The following PXDNL variants were observed in gnomAD, a reference collection of about 807,000 sequenced individuals.
PXDNL encodes the protein probable oxidoreductase PXDNL.
PXDNL carries 145 observed loss-of-function variants against 150.8 expected under a neutral mutation model. The ratio of observed to expected loss-of-function variants is 0.96; its 90% CI spans 0.84 to 1.10. The LOEUF (loss-of-function observed/expected upper bound fraction) is 1.10, where lower values mean the gene tolerates loss of function less well. Ranked by LOEUF, PXDNL falls within the 50% of genes least tolerant of loss-of-function variation. PXDNL has a pLI of 0.00. For missense variants in PXDNL, 2,087 were observed against 1,873.9 expected, an observed-to-expected ratio of 1.11 and a Z score of -2.10; for synonymous variants, 757 against 725.7, an observed-to-expected ratio of 1.04 and a Z score of -0.69.
At chr8:51,378,728 C>T (rs190295520) in intron 17 of PXDNL, among the ~76,000 whole-genome samples, 107 of 149,204 alleles carry the variant, frequency 7.2e-4, no homozygotes, top group Admixed American at 2.6e-3. Flanking sequence ...TGGGACAGGA[C>T]GGGAGGAACG....
intron 14 of PXDNL, among the ~76,000 whole-genome samples, chr8:51,415,517 A>G (rs1274792573): frequency 6.6e-6 from 1 of 152,152 alleles, no homozygotes; most frequent in African/African-American, 2.4e-5. Context: ...AAGAACAGCA[A>G]GAGGGAAACT....
intron 3 of PXDNL, among the ~76,000 whole-genome samples, chr8:51,565,286 A>AT (rs1318388327): frequency 8.5e-6 from 1 of 117,468 alleles, no homozygotes; most frequent in African/African-American, 4.1e-5. Context: ...CTTTTCCTAA[A>AT]TAAATAAATA....
At chr8:51,657,060 T>C (rs996216797) in intron 1 of PXDNL, among the ~76,000 whole-genome samples, 1 of 152,208 alleles carries the variant, frequency 6.6e-6, no homozygotes, top group African/African-American at 2.4e-5. Flanking sequence ...TTAATACAAC[T>C]GAACTACCAA....
chr8:51,474,870 A>G (rs1810435610), intron 7 of PXDNL, 102 bp downstream of exon 7: 8 of 986,302 alleles, frequency 8.1e-6, no homozygotes, highest in Admixed American at 3.1e-5. Context: ...ACACTTTCTG[A>G]TAACACGTTC....
chr8:51,403,088 CAAAAAAAAAAAA>C (rs201970177), intron 17 of PXDNL, among the ~76,000 whole-genome samples: 1 of 52,880 alleles, frequency 1.9e-5, no homozygotes, highest in African/African-American at 7.5e-5. Context: ...ACTCCCTCTC[CAAAAAAAAAAAA>C]AAAGAAAAAG....
intron 1 of PXDNL, among the ~76,000 whole-genome samples, chr8:51,724,890 T>C (rs1460413131): frequency 6.6e-6 from 1 of 151,970 alleles, no homozygotes; most frequent in African/African-American, 2.4e-5. Context: ...CAGCTCTTCC[T>C]CCAGGAACTA....
Position 51,454,977 on chromosome 8 carries a change from C to T in PXDNL, c.983-1192G>A, listed in dbSNP as rs1184426392. On this transcript the variant is annotated intron_variant, in intron 9 of 22. Coordinates refer to ENST00000356297, the MANE Select transcript of PXDNL (RefSeq NM_144651.5). ...GGGAAAAATTAGCCGGGCGCGGTGG[C>T]GGGCGCCTGTAGTCCCAGCTACTCG... is the stretch of plus-strand genomic sequence containing the variant. Among the ~76,000 whole-genome samples the T allele has an allele frequency of 5.2e-5, 5 of 96,370 alleles. 2 individuals are homozygous for T. The highest frequency in any genetic ancestry group is 2.9e-4 in the African/African-American group (4 of 13,870). 63.2% of individuals were successfully genotyped at this position (96,370 alleles called of 152,430 possible). A position where few individuals can be genotyped will look rare whatever the true frequency, so the allele number is the denominator to read the frequency against.
At chr8:51,584,226 C>T (rs1481737305) in intron 3 of PXDNL, among the ~76,000 whole-genome samples, 1 of 152,144 alleles carries the variant, frequency 6.6e-6, no homozygotes, top group African/African-American at 2.4e-5. Flanking sequence ...GATGCTAATG[C>T]TTGTTCTCAT....
At position 51,562,063 on chromosome 8, in the gene PXDNL, T is replaced by A. The variant is rs1388407598; in HGVS notation, c.309-5152A>T. Among the ~76,000 whole-genome samples the A allele has an allele frequency of 7.3e-5, 11 of 151,722 alleles. 1 individual carries two copies. The highest frequency in any genetic ancestry group is 7.2e-4 in the Admixed American group (11 of 15,200). On this transcript the variant is annotated intron_variant, in intron 3 of 22. Transcript: ENST00000356297. Reference sequence around the variant, plus strand: ...ATATTTCAATATTTTCTAAGATGATTATATATTGATATATTGCTTTTTCAT... The same window carrying A: ...ATATTTCAATATTTTCTAAGATGATAATATATTGATATATTGCTTTTTCAT...
At chr8:51,571,060 A>C (rs993535795) in intron 3 of PXDNL, among the ~76,000 whole-genome samples, 2 of 151,652 alleles carry the variant, frequency 1.3e-5, no homozygotes, top group African/African-American at 4.8e-5. Flanking sequence ...AAAGACAATT[A>C]AAAATTTTTC....
intron 1 of PXDNL, among the ~76,000 whole-genome samples, chr8:51,695,566 T>C (rs1462270801): frequency 2.0e-5 from 3 of 152,096 alleles, no homozygotes; most frequent in Non-Finnish European, 2.9e-5. Context: ...AACAAATTCG[T>C]TGGGTGAGTG....
At chr8:51,784,429 A>G (rs1211718720) in intron 1 of PXDNL, among the ~76,000 whole-genome samples, 2 of 152,208 alleles carry the variant, frequency 1.3e-5, no homozygotes, top group South Asian at 2.1e-4. Context: ...CATGAACTTT[A>G]TATGTTTCTT....
chr8:51,383,921 G>A (rs1807622067), intron 17 of PXDNL, among the ~76,000 whole-genome samples: 1 of 152,154 alleles, frequency 6.6e-6, no homozygotes, highest in African/African-American at 2.4e-5. Context: ...AAGGGCAGAG[G>A]TCCTGTATGG....
At chr8:51,342,840 G>A (rs1325182272) in intron 20 of PXDNL, among the ~76,000 whole-genome samples, 1 of 140,940 alleles carries the variant, frequency 7.1e-6, no homozygotes, top group Non-Finnish European at 1.5e-5. Context: ...ACAGTATATA[G>A]AGCTGTTAAA....
chr8:51,552,509 G>T (rs1164097945), intron 4 of PXDNL, among the ~76,000 whole-genome samples: 4 of 152,162 alleles, frequency 2.6e-5, no homozygotes, highest in Admixed American at 6.6e-5. Flanking sequence ...CCATAAAAAT[G>T]AATGAAATAA....
At chr8:51,775,629 A>G (rs1465049726) in intron 1 of PXDNL, among the ~76,000 whole-genome samples, 3 of 152,206 alleles carry the variant, frequency 2.0e-5, no homozygotes, top group Non-Finnish European at 2.9e-5. Context: ...TGAAGATTTC[A>G]TGGACATTTA....
Position 51,409,061 on chromosome 8 carries a change from T to C in PXDNL, c.2563A>G (p.Thr855Ala). 6.2e-7 allele frequency: 1 copy of C among 1,609,700 alleles called. No individual in the cohort carries two copies. ...GCGAAGAGCATGCAGGGCGCGTGGG[T>C]GCCCCGGGGGTCGGCGTGCCGGGTG... ...MNTRHADPRG[T>A]HAPCMLFARS... is the part of the protein sequence containing the mutation. Residue 855 changes from threonine to alanine, a missense_variant, in exon 17 of 23, where the codon ACC becomes GCC. Transcript: ENST00000356297.
At chr8:51,547,587 GC>G (rs1812390594) in intron 4 of PXDNL, among the ~76,000 whole-genome samples, 1 of 152,178 alleles carries the variant, frequency 6.6e-6, no homozygotes, top group Admixed American at 6.5e-5. Context: ...ACCCAGAAGG[GC>G]AATAATGGTT....
intron 14 of PXDNL, among the ~76,000 whole-genome samples, chr8:51,421,694 G>A (rs182141326): frequency 1.3e-3 from 205 of 152,124 alleles, no homozygotes; most frequent in East Asian, 2.7e-3. Context: ...GTGAGACTCC[G>A]TCTCAAAAAA....
Sources: gnomAD v4.1 joint callset for allele counts (sites outside exome capture counted in the v4.1 genomes callset) on GRCh38, gnomAD v4.1.1 for gene constraint, MANE v1.5 for transcripts, NCBI Gene and HGNC (gene_info 2026-07-23, HGNC 2026-07-21) for gene names.